NT5DC3: variants seen among roughly 807,000 people sequenced by gnomAD.
NT5DC3 encodes the protein 5'-nucleotidase domain containing 3.
A neutral mutation model predicts 67.8 loss-of-function variants in NT5DC3; 42 were observed. The ratio of observed to expected loss-of-function variants is 0.62; its 90% CI spans 0.48 to 0.80. The LOEUF is 0.80. NT5DC3 is among the 30% of genes least tolerant of loss of function. The pLI, the probability that NT5DC3 is intolerant of heterozygous loss-of-function variation, is 0.00. For synonymous variants in NT5DC3, 237 were observed against 255.6 expected, an observed-to-expected ratio of 0.93 and a Z score of 0.69; for missense variants, 570 against 696.4, an observed-to-expected ratio of 0.82 and a Z score of 2.04.
the NT5DC3 span, chr12:103,753,333 C>G: frequency 1.9e-6 from 3 of 1,614,246 alleles, no homozygotes; most frequent in Non-Finnish European, 1.7e-6. Flanking sequence ...AACCTACAAC[C>G]AGCTCTCCTA....
At chr12:103,809,025 G>A (rs190493480) in intron 2 of NT5DC3, among the ~76,000 whole-genome samples, 10 of 152,288 alleles carry the variant, frequency 6.6e-5, no homozygotes, top group Admixed American at 5.9e-4. Context: ...TTTGCCCAAG[G>A]TCACACAGCT....
At chr12:103,778,170 T>TAAAAAAAAAA in intron 13 of NT5DC3, 89 bp from the exon 14 acceptor site, 6 of 1,174,332 alleles carry the variant, frequency 5.1e-6, no homozygotes, top group South Asian at 1.7e-5. Context: ...CTTCTTTTTT[T>TAAAAAAAAAA]AAAAAAAAAA....
At chr12:103,835,760 C>G (rs566059461) in intron 1 of NT5DC3, among the ~76,000 whole-genome samples, 36 of 152,218 alleles carry the variant, frequency 2.4e-4, no homozygotes, top group South Asian at 1.0e-3. Context: ...GGCTGTCATA[C>G]TCCAAAATCC....
At chr12:103,800,047 T>C (rs1886500024) in intron 4 of NT5DC3, among the ~76,000 whole-genome samples, 2 of 151,918 alleles carry the variant, frequency 1.3e-5, no homozygotes, top group African/African-American at 4.8e-5. Flanking sequence ...ACAACAGGAG[T>C]ATAAATAATT....
At chr12:103,762,300 A>G in the NT5DC3 span, 81 of 1,614,094 alleles carry the variant, frequency 5.0e-5, 3 homozygotes, top group South Asian at 8.9e-4. Flanking sequence ...GCTTGGGAGC[A>G]GGGATCTTCT....
intron 11 of NT5DC3, among the ~76,000 whole-genome samples, chr12:103,786,382 G>T (rs1184521169): frequency 1.3e-5 from 2 of 152,232 alleles, no homozygotes; most frequent in Non-Finnish European, 2.9e-5. Flanking sequence ...CCTGGGGCAG[G>T]AACATGCTGG....
At chr12:103,785,545 G>A (rs569243709) in intron 11 of NT5DC3, 70 bp from the exon 12 acceptor site, 55 of 1,457,872 alleles carry the variant, frequency 3.8e-5, no homozygotes, top group Non-Finnish European at 5.3e-5. Flanking sequence ...TATTTTCCCA[G>A]ACATGAGAGG....
intron 13 of NT5DC3, 44 bp downstream of exon 13, chr12:103,780,256 G>A (rs1885494470): frequency 6.5e-7 from 1 of 1,537,990 alleles, no homozygotes; most frequent in Non-Finnish European, 9.0e-7. Flanking sequence ...AGCACAGCCA[G>A]AACAGGGTGG....
intron 5 of NT5DC3, among the ~76,000 whole-genome samples, chr12:103,797,636 C>T (rs1886377803): frequency 6.6e-6 from 1 of 152,092 alleles, no homozygotes; most frequent in South Asian, 2.1e-4. Flanking sequence ...CTCCCATTTC[C>T]GGTTCACACT....
chr12:103,760,854 G>A, the NT5DC3 span, among the ~76,000 whole-genome samples: 7 of 152,212 alleles, frequency 4.6e-5, no homozygotes, highest in Non-Finnish European at 1.0e-4. Context: ...AAATGAAGAC[G>A]TGATTCAGCA....
intron 11 of NT5DC3, among the ~76,000 whole-genome samples, chr12:103,786,480 T>G (rs1435149682): frequency 1.3e-5 from 2 of 152,022 alleles, no homozygotes; most frequent in African/African-American, 4.8e-5. Context: ...AGAGGTGGGC[T>G]GGGGAAGGGG....
intron 4 of NT5DC3, among the ~76,000 whole-genome samples, chr12:103,800,235 T>A (rs888170988): frequency 3.3e-5 from 5 of 152,280 alleles, no homozygotes; most frequent in African/African-American, 1.2e-4. Flanking sequence ...GTTATCTGAG[T>A]GGATTCATTA....
At chr12:103,780,979 C>A (rs201038120) in intron 12 of NT5DC3, among the ~76,000 whole-genome samples, 2 of 127,364 alleles carry the variant, frequency 1.6e-5, no homozygotes, top group East Asian at 7.6e-4. Context: ...TTTAAAAAAA[C>A]AATTATTTTT....
the NT5DC3 span, among the ~76,000 whole-genome samples, chr12:103,760,390 A>C: frequency 5.3e-5 from 8 of 152,286 alleles, 1 homozygote; most frequent in South Asian, 1.0e-3. Flanking sequence ...CCTCCCGCGT[A>C]GCTGGGACTA....
chr12:103,748,952 T>G, the NT5DC3 span: 55 of 1,610,186 alleles, frequency 3.4e-5, no homozygotes, highest in South Asian at 6.1e-4. Context: ...CTCTCTCCTC[T>G]GCTCTTGCAG....
At chr12:103,768,146 T>C (rs946724055), downstream of NT5DC3, among the ~76,000 whole-genome samples, 50 of 148,432 alleles carry the variant, frequency 3.4e-4, no homozygotes, top group African/African-American at 1.2e-3. Flanking sequence ...TTAAAAAGTT[T>C]GAAAATGGCC....
At chr12:103,750,658 G>A in the NT5DC3 span, 17 of 1,614,090 alleles carry the variant, frequency 1.1e-5, no homozygotes, top group Admixed American at 6.7e-5. Flanking sequence ...CCCATTGACC[G>A]CTGCTTACAG....
chr12:103,781,610 T>C (rs897118572), intron 12 of NT5DC3, among the ~76,000 whole-genome samples: 8 of 150,754 alleles, frequency 5.3e-5, no homozygotes, highest in African/African-American at 1.9e-4. Flanking sequence ...GTCTCTCCCA[T>C]TGAAAAAAGA....
chr12:103,779,142 A>C (rs982843706), intron 13 of NT5DC3, among the ~76,000 whole-genome samples: 4 of 152,186 alleles, frequency 2.6e-5, no homozygotes, highest in African/African-American at 9.7e-5. Context: ...AGATTGTTTT[A>C]TGTGATGTAA....
Sources: gnomAD v4.1 joint callset for allele counts (sites outside exome capture counted in the v4.1 genomes callset) on GRCh38, gnomAD v4.1.1 for gene constraint, MANE v1.5 for transcripts, NCBI Gene and HGNC (gene_info 2026-07-23, HGNC 2026-07-21) for gene names.